Variants in RPH3AL observed in about 807,000 individuals in gnomAD.
The protein encoded by RPH3AL is rabphilin 3A like (without C2 domains).
RPH3AL carries 38 observed loss-of-function variants against 43.1 expected under a neutral mutation model. That is an observed-to-expected ratio of 0.88 (90% CI 0.68 to 1.15). The LOEUF is 1.15. RPH3AL is among the 50% of genes most tolerant of loss of function. RPH3AL has a pLI of 0.00. For synonymous variants in RPH3AL, 189 were observed against 176.3 expected, an observed-to-expected ratio of 1.07 and a Z score of -0.57; for missense variants, 462 against 423.2, an observed-to-expected ratio of 1.09 and a Z score of -0.81.
chr17:250,953 T>C (rs2041889062), intron 6 of RPH3AL, among the ~76,000 whole-genome samples: 1 of 152,250 alleles, frequency 6.6e-6, no homozygotes, highest in Non-Finnish European at 1.5e-5. Flanking sequence ...TGCACAGGGT[T>C]ATCCCAGAGG....
At chr17:302,363 G>T (rs145928918) in intron 5 of RPH3AL, among the ~76,000 whole-genome samples, 2,691 of 152,292 alleles carry the variant, frequency 0.018, 38 homozygotes, top group Non-Finnish European at 0.029. Context: ...GCAGGTCCAC[G>T]GAGTCACCCC....
chr17:219,784 C>A (rs969866189), intron 7 of RPH3AL, 48 bp from the exon 8 acceptor site: 1 of 1,421,536 alleles, frequency 7.0e-7, no homozygotes, highest in Non-Finnish European at 9.9e-7. Flanking sequence ...CCAGCCCCTA[C>A]CTGCAGGCAT....
intron 5 of RPH3AL, among the ~76,000 whole-genome samples, chr17:302,586 C>T (rs1037243232): frequency 1.8e-4 from 27 of 152,162 alleles, no homozygotes; most frequent in Admixed American, 5.2e-4. Flanking sequence ...CTAAGCTCAA[C>T]GGGAAACAGG....
intron 9 of RPH3AL, among the ~76,000 whole-genome samples, chr17:214,389 G>A (rs1031932231): frequency 4.6e-5 from 7 of 152,192 alleles, no homozygotes; most frequent in Non-Finnish European, 8.8e-5. Flanking sequence ...ACACCGTACC[G>A]ATAATAGAAC....
intron 6 of RPH3AL, among the ~76,000 whole-genome samples, chr17:280,895 T>C (rs1413319466): frequency 6.6e-6 from 1 of 152,154 alleles, no homozygotes; most frequent in Admixed American, 6.5e-5. Context: ...TTTTCCAGAA[T>C]TGAAGGTGTT....
chr17:310,883 G>A (rs1343110751), intron 5 of RPH3AL, among the ~76,000 whole-genome samples: 3 of 152,120 alleles, frequency 2.0e-5, no homozygotes, highest in Non-Finnish European at 4.4e-5. Flanking sequence ...ATTCTCCAGC[G>A]ACTCGGGTTC....
rs1233852056 is a variant in RPH3AL, at chr17:305,108, GAGGGGACAGGGCGA to G, written c.351+14298_351+14311del. ...ACAGGGCGGGAGGGGGACAGGGCGAGAGGGGACAGGGCGAGAGGGGGACAGGGTCATCAGGGTGC... is the reference window on the plus strand; with the variant it reads ...ACAGGGCGGGAGGGGGACAGGGCGAGGAGGGGGACAGGGTCATCAGGGTGC... On this transcript the variant is annotated intron_variant, in intron 5 of 9. Coordinates refer to ENST00000331302, the MANE Select transcript of RPH3AL (RefSeq NM_006987.4). Among the ~76,000 whole-genome samples, 22 of 51,804 alleles carry G rather than the reference GAGGGGACAGGGCGA, an allele frequency of 4.2e-4. 1 individual carries two copies. Among genetic ancestry groups the G allele is most frequent in the African/African-American group, 9.7e-4 (14 of 14,378 alleles). The allele number at this position is 51,804 out of a possible 152,430, so 34.0% of individuals were successfully genotyped here. A position where few individuals can be genotyped will look rare whatever the true frequency, so the allele number is the denominator to read the frequency against.
intron 5 of RPH3AL, among the ~76,000 whole-genome samples, chr17:313,432 T>G (rs1305791591): frequency 6.6e-6 from 1 of 152,216 alleles, no homozygotes; most frequent in Non-Finnish European, 1.5e-5. Context: ...CATGTGCCCC[T>G]TGAACATGCC....
chr17:344,749 C>T lies in RPH3AL; in HGVS notation c.-213+7963G>A, dbSNP rs2045204927. ...CATCATTGTCAATCACCATCACCAT[C>T]ATCACTATCATCACAATCACTGTTA... is the stretch of plus-strand genomic sequence containing the variant. On this transcript the variant is annotated intron_variant, in intron 1 of 9. Transcript: ENST00000331302. Among the ~76,000 whole-genome samples the T allele has an allele frequency of 1.5e-5, 2 of 135,812 alleles. 1 individual carries two copies. Among genetic ancestry groups the T allele is most frequent in the African/African-American group, 5.0e-5 (2 of 39,686 alleles). The allele number at this position is 135,812 out of a possible 152,430, so 89.1% of individuals were successfully genotyped here. A position where few individuals can be genotyped will look rare whatever the true frequency, so the allele number is the denominator to read the frequency against.
chr17:253,490 C>G (rs1027883445), intron 6 of RPH3AL, among the ~76,000 whole-genome samples: 3 of 152,126 alleles, frequency 2.0e-5, no homozygotes, highest in African/African-American at 7.2e-5. Flanking sequence ...TCCGGGTATG[C>G]GCAATCCTTT....
At chr17:326,471 C>T (rs184616632) in intron 3 of RPH3AL, among the ~76,000 whole-genome samples, 364 of 152,240 alleles carry the variant, frequency 2.4e-3, no homozygotes, top group South Asian at 4.4e-3. Context: ...TGAGGGACAG[C>T]GAGGGACTGG....
At chr17:233,517 G>T (rs1567569216) in intron 7 of RPH3AL, among the ~76,000 whole-genome samples, 1 of 152,142 alleles carries the variant, frequency 6.6e-6, no homozygotes, top group Admixed American at 6.5e-5. Flanking sequence ...CTAGGGGCAG[G>T]GTCAAGGGGT....
chr17:273,986 C>T lies in RPH3AL; in HGVS notation c.438+7782G>A, dbSNP rs549495762. 3.2e-4 allele frequency among the ~76,000 whole-genome samples: 48 copies of T among 152,334 alleles called. 1 individual carries two copies. The highest frequency in any genetic ancestry group is 2.5e-3 in the South Asian group (12 of 4,832). Reference sequence around the variant, plus strand: ...TCTTATGGCCCAGGTACGTTTGAGACGCTGCAGGAATGGTTTGCAGAATCC... The same window carrying T: ...TCTTATGGCCCAGGTACGTTTGAGATGCTGCAGGAATGGTTTGCAGAATCC... On this transcript the variant is annotated intron_variant, in intron 6 of 9. Transcript: ENST00000331302.
At position 225,019 on chromosome 17, in the gene RPH3AL, C is replaced by G. The variant is rs12938328; in HGVS notation, c.614-5283G>C. 6.7e-6 allele frequency among the ~76,000 whole-genome samples: 1 copy of G among 150,282 alleles called. No individual in the cohort carries two copies. The highest frequency in any genetic ancestry group is 2.5e-5 in the African/African-American group (1 of 40,766). Reference sequence around the variant, plus strand: ...TAGGAGATATACCTAATGTAAATGACGAGTTAATGGGTGCAGCACACCAAC... The same window carrying G: ...TAGGAGATATACCTAATGTAAATGAGGAGTTAATGGGTGCAGCACACCAAC... On this transcript the variant is annotated intron_variant, in intron 7 of 9. Coordinates refer to ENST00000331302, the MANE Select transcript of RPH3AL (RefSeq NM_006987.4). The surrounding 1 kb of genome is among the most constrained non-coding windows in gnomAD (Gnocchi z 4.4).
intron 6 of RPH3AL, among the ~76,000 whole-genome samples, chr17:271,274 C>T (rs185481204): frequency 6.6e-6 from 1 of 152,192 alleles, no homozygotes; most frequent in East Asian, 1.9e-4. Context: ...TTTTTGGTTC[C>T]ATATGAACTT....
intron 5 of RPH3AL, among the ~76,000 whole-genome samples, chr17:318,040 A>T (rs762678432): frequency 2.0e-5 from 3 of 152,014 alleles, no homozygotes; most frequent in Admixed American, 6.6e-5. Context: ...ATATCATCTC[A>T]AGAAAATTCC....
intron 6 of RPH3AL, among the ~76,000 whole-genome samples, chr17:276,008 A>T (rs1334591758): frequency 6.6e-6 from 1 of 152,254 alleles, no homozygotes; most frequent in Non-Finnish European, 1.5e-5. Flanking sequence ...CAGCCAGTTT[A>T]CAAAGGCAAG....
chr17:225,621 CAGG>C lies in RPH3AL; in HGVS notation c.614-5888_614-5886del, dbSNP rs903242805. On this transcript the variant is annotated intron_variant, in intron 7 of 9. Coordinates refer to ENST00000331302, the MANE Select transcript of RPH3AL (RefSeq NM_006987.4). This position sits in a 1 kb window ranked among gnomAD's most constrained non-coding sequence, Gnocchi z 4.4. ...TTCCCGGGAGCAGGGAGGTGTCCAGCAGGAGGACAGTCCTGCGGAGGGTGGGGT... is the reference window on the plus strand; with the variant it reads ...TTCCCGGGAGCAGGGAGGTGTCCAGCAGGACAGTCCTGCGGAGGGTGGGGT... 2.6e-5 allele frequency among the ~76,000 whole-genome samples: 4 copies of C among 152,268 alleles called. No individual in the cohort carries two copies. The highest frequency in any genetic ancestry group is 7.2e-5 in the African/African-American group (3 of 41,544).
At chr17:314,861 T>C (rs1555519151) in intron 5 of RPH3AL, among the ~76,000 whole-genome samples, 66 of 150,134 alleles carry the variant, frequency 4.4e-4, no homozygotes, top group Middle Eastern at 3.4e-3. Context: ...GTAGTCCCTG[T>C]GCCCCACCTC....
Sources: allele counts gnomAD v4.1 joint callset (sites outside exome capture counted in the v4.1 genomes callset), GRCh38; gene constraint gnomAD v4.1.1; non-coding constraint Gnocchi (gnomAD v3.1); transcripts MANE v1.5; gene names NCBI Gene and HGNC (gene_info 2026-07-23, HGNC 2026-07-21).